ANO2: variants seen among roughly 807,000 people sequenced by gnomAD.
The protein encoded by ANO2 is anoctamin 2.
ANO2 carries 101 observed loss-of-function variants against 124.2 expected under a neutral mutation model. The observed-to-expected ratio is 0.81, with a 90% CI of 0.69 to 0.96. The LOEUF (loss-of-function observed/expected upper bound fraction) is 0.96. Among genes scored for constraint, ANO2 ranks in the 40% least tolerant of loss-of-function variants. The pLI is 0.00. For synonymous variants in ANO2, 486 were observed against 482.5 expected, an observed-to-expected ratio of 1.01 and a Z score of -0.09; for missense variants, 1,293 against 1,274.5, an observed-to-expected ratio of 1.01 and a Z score of -0.22.
intron 4 of ANO2, among the ~76,000 whole-genome samples, chr12:5,836,251 AT>A (rs1591674521): frequency 6.6e-6 from 1 of 152,250 alleles, no homozygotes; most frequent in East Asian, 1.9e-4. Context: ...TTAAATGTGA[AT>A]TTCAGATAAA....
intron 14 of ANO2, among the ~76,000 whole-genome samples, chr12:5,669,985 T>C (rs1947911488): frequency 1.3e-5 from 2 of 152,234 alleles, no homozygotes; most frequent in Admixed American, 1.3e-4. Flanking sequence ...ACAGGTTCTC[T>C]TTAAACTGTG....
intron 3 of ANO2, among the ~76,000 whole-genome samples, chr12:5,895,286 CTGTT>C (rs1297764582): frequency 2.0e-5 from 3 of 152,128 alleles, no homozygotes; most frequent in Admixed American, 6.5e-5. Flanking sequence ...ATTTGGCTCT[CTGTT>C]TGTCTATTAT....
intron 19 of ANO2, among the ~76,000 whole-genome samples, chr12:5,604,282 TGAG>T (rs908746033): frequency 3.4e-5 from 5 of 149,236 alleles, no homozygotes; most frequent in Non-Finnish European, 6.0e-5. Flanking sequence ...TTGATGAGGA[TGAG>T]GAGGAGGAGG....
chr12:5,745,652 CT>C (rs1591561162), intron 11 of ANO2, among the ~76,000 whole-genome samples: 1 of 152,124 alleles, frequency 6.6e-6, no homozygotes, highest in East Asian at 1.9e-4. Context: ...AGTTTCTAGG[CT>C]TCTGTTTTTA....
intron 23 of ANO2, among the ~76,000 whole-genome samples, chr12:5,570,752 TA>T (rs908899501): frequency 4.5e-4 from 68 of 152,312 alleles, no homozygotes; most frequent in African/African-American, 1.2e-3. Flanking sequence ...TAGTGGCATG[TA>T]AAAAACATTT....
chr12:5,765,011 A>G (rs2137112472), intron 10 of ANO2, among the ~76,000 whole-genome samples: 1 of 152,360 alleles, frequency 6.6e-6, no homozygotes, highest in South Asian at 2.1e-4. Context: ...TAAACAGTTG[A>G]CTATTCTGTC....
chr12:5,687,797 G>A (rs1052494068), intron 14 of ANO2, among the ~76,000 whole-genome samples: 2 of 152,218 alleles, frequency 1.3e-5, no homozygotes, highest in African/African-American at 4.8e-5. Context: ...TGTTCAGTAT[G>A]TGGGGGAACA....
At chr12:5,782,717 G>A (rs1331171234) in intron 10 of ANO2, among the ~76,000 whole-genome samples, 1 of 152,174 alleles carries the variant, frequency 6.6e-6, no homozygotes, top group Non-Finnish European at 1.5e-5. Context: ...GGGAGCCATT[G>A]CTTTAACCCA....
Position 5,832,789 on chromosome 12 carries a change from T to G in ANO2, c.634-186A>C, listed in dbSNP as rs191696132. Among the ~76,000 whole-genome samples the G allele has an allele frequency of 3.0e-3, 462 of 152,346 alleles. 4 individuals carry two copies. The highest frequency in any genetic ancestry group is 0.011 in the African/African-American group (447 of 41,592). On this transcript the variant is annotated intron_variant, in intron 4 of 24. Transcript: ENST00000682330. ...GTGCTCTCACAAGGACCTGGACTCC[T>G]GACTCCTCTCAATCCTTTGAGCTCA...
At chr12:5,919,737 A>G (rs943588158) in intron 3 of ANO2, among the ~76,000 whole-genome samples, 2 of 151,844 alleles carry the variant, frequency 1.3e-5, no homozygotes, top group Non-Finnish European at 1.5e-5. Flanking sequence ...TCGCTCTGTC[A>G]CGCAGGCTGG....
intron 16 of ANO2, among the ~76,000 whole-genome samples, chr12:5,620,626 C>A (rs558453565): frequency 6.6e-6 from 1 of 151,748 alleles, no homozygotes; most frequent in East Asian, 1.9e-4. Flanking sequence ...CTATAGCAGG[C>A]GTTGAATTGG....
At chr12:5,688,808 TC>T (rs1948806845) in intron 14 of ANO2, among the ~76,000 whole-genome samples, 3 of 131,816 alleles carry the variant, frequency 2.3e-5, no homozygotes, top group African/African-American at 8.0e-5. Flanking sequence ...CATGGGAGTA[TC>T]CTTTTTTTTT....
intron 14 of ANO2, among the ~76,000 whole-genome samples, chr12:5,704,797 A>C (rs1949542121): frequency 2.6e-5 from 4 of 152,084 alleles, no homozygotes. Context: ...GAAATGTTTT[A>C]ATTTCTGAGC....
chr12:5,832,414 C>G, intron 5 of ANO2, 38 bp downstream of exon 5: 1 of 1,611,816 alleles, frequency 6.2e-7, no homozygotes, highest in Non-Finnish European at 8.5e-7. Context: ...CCTTCCTATC[C>G]CTTCCCACAT....
chr12:5,891,532 C>T (rs534031841), intron 3 of ANO2, among the ~76,000 whole-genome samples: 39 of 152,246 alleles, frequency 2.6e-4, no homozygotes, highest in African/African-American at 7.2e-4. Flanking sequence ...GCAAAGATCA[C>T]GGAGAGGCAA....
chr12:5,679,477 G>A (rs1948399551), intron 14 of ANO2, among the ~76,000 whole-genome samples: 1 of 152,104 alleles, frequency 6.6e-6, no homozygotes, highest in South Asian at 2.1e-4. Flanking sequence ...AGTGGGCAGA[G>A]GACATAAACA....
At chr12:5,812,050 G>A (rs1953403822) in intron 7 of ANO2, among the ~76,000 whole-genome samples, 1 of 150,644 alleles carries the variant, frequency 6.6e-6, no homozygotes, top group Non-Finnish European at 1.5e-5. Context: ...GGGAAGGGAA[G>A]GGTAAGGGAG....
At chr12:5,779,812 C>T (rs186902986) in intron 10 of ANO2, among the ~76,000 whole-genome samples, 9 of 152,276 alleles carry the variant, frequency 5.9e-5, no homozygotes, top group Admixed American at 5.2e-4. Flanking sequence ...AATTGACAGA[C>T]CTTCTATAAA....
At chr12:5,760,325 G>A (rs1373449119) in intron 10 of ANO2, among the ~76,000 whole-genome samples, 1 of 152,044 alleles carries the variant, frequency 6.6e-6, no homozygotes. Context: ...ATCTACCAAG[G>A]AGCAATATAT....
Sources: allele counts gnomAD v4.1 joint callset (sites outside exome capture counted in the v4.1 genomes callset), GRCh38; gene constraint gnomAD v4.1.1; transcripts MANE v1.5; gene names NCBI Gene and HGNC (gene_info 2026-07-23, HGNC 2026-07-21).